LAMC1: variants seen among roughly 807,000 people sequenced by gnomAD.
LAMC1 encodes laminin subunit gamma 1.
Under a neutral mutation model 173.6 loss-of-function variants are expected in LAMC1, and 38 were observed. The observed-to-expected ratio is 0.22, with a 90% CI of 0.17 to 0.29. The LOEUF is 0.29. LAMC1 is among the 10% of genes least tolerant of loss of function. LAMC1 has a pLI of 1.00. For missense variants in LAMC1, 1,824 were observed against 2,051.8 expected (o/e 0.89, Z 2.14); for synonymous variants, 746 against 749.1 (o/e 1.00, Z 0.07).
Position 183,142,889 on chromosome 1 carries a change from C to G in LAMC1, c.*99C>G. The G allele has an allele frequency of 7.9e-7, 1 of 1,260,264 alleles. No homozygotes were observed. The highest frequency in any genetic ancestry group is 1.1e-6 in the Non-Finnish European group (1 of 904,594). The allele number at this position is 1,260,264 out of a possible 1,614,324, so 78.1% of individuals were successfully genotyped here. On this transcript the variant is annotated 3_prime_UTR_variant, in exon 28 of 28. Transcript: ENST00000258341. ...AGATTACATTTTTCAGACCCCCACT[C>G]CTCTGCTGCTGTCCATGACTGTCCT...
At chr1:183,045,303 G>A (rs1290209883) in intron 1 of LAMC1, among the ~76,000 whole-genome samples, 1 of 151,974 alleles carries the variant, frequency 6.6e-6, no homozygotes, top group Non-Finnish European at 1.5e-5. Flanking sequence ...AAGTAGATTA[G>A]TAACTCTAGG....
chr1:183,057,910 A>G (rs961191827), intron 1 of LAMC1, among the ~76,000 whole-genome samples: 3 of 152,146 alleles, frequency 2.0e-5, no homozygotes, highest in Admixed American at 6.5e-5. Flanking sequence ...TAAACATATT[A>G]TATATTTTTA....
Position 183,137,691 on chromosome 1 carries a change from A to G in LAMC1, c.4337A>G (p.Glu1446Gly), listed in dbSNP as rs1261924704. 2 of 1,597,336 alleles carry G rather than the reference A, an allele frequency of 1.3e-6. No individual in the cohort carries two copies. Among genetic ancestry groups the G allele is most frequent in the Admixed American group, 1.7e-5 (1 of 57,630 alleles). Residue 1446 changes from glutamate (E) to glycine (G), a missense_variant, in exon 26 of 28, where the codon GAA becomes GGA. Coordinates refer to ENST00000258341, the MANE Select transcript of LAMC1 (RefSeq NM_002293.4). Reference sequence around the variant, plus strand: ...TAGAATGCCACCAGCACCAAGGCAGAAGCTGAAAGAACTTTTGCAGAAGTT... The same window carrying G: ...TAGAATGCCACCAGCACCAAGGCAGGAGCTGAAAGAACTTTTGCAGAAGTT... ...VQKNATSTKA[E>G]AERTFAEVTD...
chr1:183,037,065 C>T (rs370909177), intron 1 of LAMC1, among the ~76,000 whole-genome samples: 2 of 152,200 alleles, frequency 1.3e-5, no homozygotes, highest in South Asian at 2.1e-4. Flanking sequence ...CGTGAGCCAC[C>T]GCACCTGGCC....
chr1:183,130,258 A>C, intron 18 of LAMC1, 86 bp from the exon 19 acceptor site: 29 of 1,180,626 alleles, frequency 2.5e-5, no homozygotes, highest in Non-Finnish European at 3.2e-5. Context: ...TTAGAAGAGT[A>C]GAGATACATA....
chr1:183,137,889 C>A, intron 26 of LAMC1, 62 bp downstream of exon 26: 1 of 1,351,302 alleles, frequency 7.4e-7, no homozygotes, highest in Non-Finnish European at 9.9e-7. Flanking sequence ...TAATAAAGAT[C>A]CCCCACTTGT....
At chr1:183,115,446 C>A in intron 5 of LAMC1, 74 bp from the exon 6 acceptor site, 1 of 950,208 alleles carries the variant, frequency 1.1e-6, no homozygotes, top group Non-Finnish European at 1.7e-6. Context: ...TACCAGTTAT[C>A]TTTCTTTAAC....
intron 1 of LAMC1, among the ~76,000 whole-genome samples, chr1:183,102,904 T>G (rs1338396078): frequency 3.3e-5 from 5 of 152,182 alleles, no homozygotes; most frequent in African/African-American, 1.2e-4. Flanking sequence ...GAGAATGAGG[T>G]TTTTTTAAAG....
intron 24 of LAMC1, among the ~76,000 whole-genome samples, chr1:183,135,971 C>T (rs1353147466): frequency 2.6e-5 from 4 of 151,754 alleles, no homozygotes; most frequent in Non-Finnish European, 5.9e-5. Flanking sequence ...CTGCACCCTG[C>T]ACCACAGGTC....
At chr1:183,053,188 T>C (rs181479241) in intron 1 of LAMC1, among the ~76,000 whole-genome samples, 1 of 152,334 alleles carries the variant, frequency 6.6e-6, no homozygotes, top group Non-Finnish European at 1.5e-5. Context: ...AAAAGTTTGC[T>C]GAAAAACTTG....
At chr1:183,042,458 T>A (rs1400216748) in intron 1 of LAMC1, among the ~76,000 whole-genome samples, 1 of 152,192 alleles carries the variant, frequency 6.6e-6, no homozygotes, top group Non-Finnish European at 1.5e-5. Flanking sequence ...GGTGGTCTTG[T>A]GCCTGGCCAC....
intron 1 of LAMC1, among the ~76,000 whole-genome samples, chr1:183,059,925 C>T (rs140134672): frequency 1.5e-3 from 235 of 152,230 alleles, no homozygotes; most frequent in African/African-American, 5.5e-3. Context: ...TGAGATGACA[C>T]GTTGGAAGTT....
intron 11 of LAMC1, among the ~76,000 whole-genome samples, chr1:183,119,529 G>A (rs1367545482): frequency 2.0e-5 from 3 of 152,100 alleles, no homozygotes; most frequent in African/African-American, 7.2e-5. Context: ...TTAAGTCCAT[G>A]CTCTAAGACC....
chr1:183,117,369 C>T lies in LAMC1; in HGVS notation c.1614C>T (p.Leu538=), dbSNP rs748808964. 5.0e-6 allele frequency: 8 copies of T among 1,613,646 alleles called. No individual in the cohort carries two copies. Among genetic ancestry groups the T allele is most frequent in the Middle Eastern group, 1.6e-4 (1 of 6,062 alleles). ...AGAGAGATGGCTCTGAAGCATCTCTCGAGTGGTCCTCTGAGAGGCAAGATA... is the reference window on the plus strand; with the variant it reads ...AGAGAGATGGCTCTGAAGCATCTCTTGAGTGGTCCTCTGAGAGGCAAGATA... The part of the protein sequence containing the change: ...AEQRDGSEAS[L]EWSSERQDIA... Residue 538 remains leucine, a synonymous_variant, in exon 9 of 28, where the codon CTC becomes CTT. Transcript: ENST00000258341.
intron 27 of LAMC1, 94 bp downstream of exon 27, chr1:183,140,597 A>G (rs1657087510): frequency 1.7e-6 from 1 of 588,148 alleles, no homozygotes; most frequent in Non-Finnish European, 2.9e-6. Flanking sequence ...AGCAGATGAT[A>G]TAGGTTTACA....
Position 183,132,384 on chromosome 1 carries a change from T to G in LAMC1, c.3567-16T>G. Reference sequence around the variant, plus strand: ...GATGGTTGTTTCATGGCTTATTTTTTGTTTTATCTGTATAGTCATAAACAG... The same window carrying G: ...GATGGTTGTTTCATGGCTTATTTTTGGTTTTATCTGTATAGTCATAAACAG... On this transcript the variant is annotated splice_polypyrimidine_tract_variant and intron_variant, in intron 20 of 27. Coordinates refer to ENST00000258341, the MANE Select transcript of LAMC1 (RefSeq NM_002293.4). 6.3e-7 allele frequency: 1 copy of G among 1,579,250 alleles called. No individual in the cohort carries two copies. Among genetic ancestry groups the G allele is most frequent in the Non-Finnish European group, 8.6e-7 (1 of 1,167,862 alleles).
At chr1:183,106,846 G>A (rs1189588629) in intron 2 of LAMC1, among the ~76,000 whole-genome samples, 1 of 152,140 alleles carries the variant, frequency 6.6e-6, no homozygotes, top group Non-Finnish European at 1.5e-5. Context: ...AGTGATCTGG[G>A]AGGGTGAGTC....
At chr1:183,129,830 A>T (rs1292804967) in intron 18 of LAMC1, among the ~76,000 whole-genome samples, 1 of 36,728 alleles carries the variant, frequency 2.7e-5, no homozygotes, top group African/African-American at 6.2e-5. Context: ...TTACACTGAT[A>T]TGCTGGCACA....
chr1:183,123,260 C>G (rs1040748062), intron 13 of LAMC1, among the ~76,000 whole-genome samples: 1 of 152,152 alleles, frequency 6.6e-6, no homozygotes, highest in African/African-American at 2.4e-5. Flanking sequence ...CCACTTTTCA[C>G]CACTTCAACT....
Sources: gnomAD v4.1 joint callset for allele counts (sites outside exome capture counted in the v4.1 genomes callset) on GRCh38, gnomAD v4.1.1 for gene constraint, MANE v1.5 for transcripts, NCBI Gene and HGNC (gene_info 2026-07-23, HGNC 2026-07-21) for gene names.